The following SPAST variants were observed in gnomAD, a reference collection of about 807,000 sequenced individuals.
SPAST encodes the protein spastin, also known as spastic paraplegia 4 (autosomal dominant; spastin).
A neutral mutation model predicts 76.6 loss-of-function variants in SPAST; 30 were observed. That is an observed-to-expected ratio of 0.39 (90% CI 0.29 to 0.53). The LOEUF (loss-of-function observed/expected upper bound fraction) is 0.53, where lower values mean the gene tolerates loss of function less well. SPAST is among the 20% of genes least tolerant of loss of function. The probability of loss-of-function intolerance (pLI) is 0.68; values close to 1 mark genes in which losing one functional copy is unlikely to be tolerated. For missense variants in SPAST, 717 were observed against 770.5 expected (o/e 0.93, Z 0.82); for synonymous variants, 305 against 281.0 (o/e 1.09, Z -0.86).
At chr2:32,106,754 A>G (rs1168668249) in intron 4 of SPAST, among the ~76,000 whole-genome samples, 1 of 152,164 alleles carries the variant, frequency 6.6e-6, no homozygotes, top group Non-Finnish European at 1.5e-5. Flanking sequence ...CTTACAGTAT[A>G]GTCAGTGGCA....
intron 1 of SPAST, among the ~76,000 whole-genome samples, chr2:32,067,870 G>A (rs1553395458): frequency 6.7e-6 from 1 of 150,226 alleles, no homozygotes; most frequent in Non-Finnish European, 1.5e-5. Flanking sequence ...TTGTAAAGTG[G>A]TATGTTTAAG....
intron 9 of SPAST, chr2:32,128,720 A>T: frequency 2.0e-6 from 1 of 497,930 alleles, no homozygotes; most frequent in Non-Finnish European, 3.6e-6. Flanking sequence ...TGGCTTAAAC[A>T]TCAGCAATTT....
intron 4 of SPAST, 43 bp downstream of exon 4, chr2:32,098,934 C>A: frequency 7.7e-7 from 1 of 1,296,726 alleles, no homozygotes; most frequent in Non-Finnish European, 1.1e-6. Context: ...AGCTTGCATG[C>A]AAAGTAAGAG....
chr2:32,121,614 C>A (rs1367038062), intron 7 of SPAST, among the ~76,000 whole-genome samples: 1 of 142,016 alleles, frequency 7.0e-6, no homozygotes, highest in African/African-American at 2.6e-5. Context: ...GATCTCAGCT[C>A]ACTGCGCCCT....
chr2:32,064,922 G>A (rs914740310), intron 1 of SPAST, among the ~76,000 whole-genome samples: 16 of 152,152 alleles, frequency 1.1e-4, no homozygotes, highest in African/African-American at 3.4e-4. Flanking sequence ...AATGGATTGC[G>A]TAAACTTAAA....
In SPAST at chr2:32,087,587, G is replaced by C; in HGVS notation, c.502+9G>C. On this transcript the variant is annotated intron_variant, in intron 2 of 16. Transcript: ENST00000315285. ...TATAGTTACAGGACAAGGTAAGATTGTATTTGTTTATAGCCATCCCAAATT... is the reference window on the plus strand; with the variant it reads ...TATAGTTACAGGACAAGGTAAGATTCTATTTGTTTATAGCCATCCCAAATT... 1 of 1,497,772 alleles carries C rather than the reference G, an allele frequency of 6.7e-7. No individual in the cohort carries two copies. Among genetic ancestry groups the C allele is most frequent in the Non-Finnish European group, 9.2e-7 (1 of 1,081,502 alleles). The allele number at this position is 1,497,772 out of a possible 1,614,324, so 92.8% of individuals were successfully genotyped here.
chr2:32,097,645 G>C (rs913793184), intron 3 of SPAST, among the ~76,000 whole-genome samples: 9 of 150,116 alleles, frequency 6.0e-5, no homozygotes, highest in African/African-American at 2.2e-4. Context: ...TTCATTCTGT[G>C]CTACTTTAAA....
At chr2:32,067,373 T>A (rs956482656) in intron 1 of SPAST, among the ~76,000 whole-genome samples, 1 of 152,086 alleles carries the variant, frequency 6.6e-6, no homozygotes, top group East Asian at 1.9e-4. Flanking sequence ...CAAGGAAATT[T>A]TAGTTAACAC....
At chr2:32,126,897 C>T in intron 7 of SPAST, 51 bp from the exon 8 acceptor site, 1 of 1,307,426 alleles carries the variant, frequency 7.6e-7, no homozygotes, top group Non-Finnish European at 1.1e-6. Context: ...GCAAAGAGTA[C>T]TTAAAATGTC....
At chr2:32,109,329 G>A (rs905273727) in intron 4 of SPAST, among the ~76,000 whole-genome samples, 6 of 151,346 alleles carry the variant, frequency 4.0e-5, no homozygotes, top group Non-Finnish European at 8.8e-5. Context: ...GGCTGGTCTC[G>A]AACTCCTGAC....
intron 1 of SPAST, among the ~76,000 whole-genome samples, chr2:32,064,564 G>A (rs766491450): frequency 1.3e-5 from 2 of 152,206 alleles, no homozygotes; most frequent in Non-Finnish European, 2.9e-5. Flanking sequence ...TGACCACACT[G>A]ATCCTTTCTA....
chr2:32,095,138 G>A lies in SPAST; in HGVS notation c.587-3658G>A, dbSNP rs187201449. Among the ~76,000 whole-genome samples the A allele has an allele frequency of 1.3e-4, 20 of 152,328 alleles. No homozygotes were observed. The East Asian group carries it at 1.3e-3, about 10-fold the overall frequency. ...AGAAAAGTGATAGAGGCTTGCACCAGGGTAGTATCAGGAGAAATGGTAACA... is the reference window on the plus strand; with the variant it reads ...AGAAAAGTGATAGAGGCTTGCACCAAGGTAGTATCAGGAGAAATGGTAACA... On this transcript the variant is annotated intron_variant, in intron 3 of 16. Coordinates refer to ENST00000315285, the MANE Select transcript of SPAST (RefSeq NM_014946.4).
At chr2:32,145,074 C>A in intron 15 of SPAST, 67 bp downstream of exon 15, 10 of 1,192,040 alleles carry the variant, frequency 8.4e-6, no homozygotes, top group South Asian at 5.3e-5. Context: ...TTAAGAAGTC[C>A]AAAAAAATCT....
At chr2:32,091,138 T>C (rs1677697910) in intron 3 of SPAST, among the ~76,000 whole-genome samples, 1 of 151,812 alleles carries the variant, frequency 6.6e-6, no homozygotes, top group African/African-American at 2.4e-5. Flanking sequence ...TGGATGGAAA[T>C]AGTAGATATT....
Position 32,075,894 on chromosome 2 carries a change from C to CTTTT in SPAST, c.416-11597_416-11596insTTTT, listed in dbSNP as rs1286144548. Among the ~76,000 whole-genome samples, 283 of 87,166 alleles carry CTTTT rather than the reference C, an allele frequency of 3.2e-3. 33 individuals carry two copies. Among genetic ancestry groups the CTTTT allele is most frequent in the South Asian group, 5.5e-3 (12 of 2,200 alleles). 57.2% of individuals were successfully genotyped at this position (87,166 alleles called of 152,430 possible). ...TTTTTTTAATGAAAAATTCAAAATG[C>CTTTT]TCTTTTTTTTTTTTTTTTTTTTTTG... is the stretch of plus-strand genomic sequence containing the variant. On this transcript the variant is annotated intron_variant, in intron 1 of 16. Transcript: ENST00000315285.
chr2:32,151,390 A>C (rs1169122030), intron 16 of SPAST, among the ~76,000 whole-genome samples: 1 of 152,214 alleles, frequency 6.6e-6, no homozygotes, highest in South Asian at 2.1e-4. Flanking sequence ...AACACTATGT[A>C]AAGATCCATT....
chr2:32,153,257 A>G (rs1057190857), intron 16 of SPAST, among the ~76,000 whole-genome samples: 3 of 151,732 alleles, frequency 2.0e-5, no homozygotes, highest in Non-Finnish European at 2.9e-5. Flanking sequence ...GCCAAAATAC[A>G]GGTATACGCT....
At chr2:32,132,261 T>C (rs1005466705) in intron 9 of SPAST, among the ~76,000 whole-genome samples, 3 of 152,088 alleles carry the variant, frequency 2.0e-5, no homozygotes, top group Admixed American at 6.5e-5. Context: ...CGTGGTGGCG[T>C]GTGCCTGTGG....
At position 32,114,662 on chromosome 2, in the gene SPAST, A is replaced by T; in HGVS notation, c.707A>T (p.Lys236Ile). The T allele has an allele frequency of 6.2e-7, 1 of 1,614,154 alleles. No homozygotes were observed. The highest frequency in any genetic ancestry group is 8.5e-7 in the Non-Finnish European group (1 of 1,180,002). ...GAAAGTGGAGCTGTTCCAAAAAGAAAAGACCCCTTAACACACACTAGTAAT... is the reference window on the plus strand; with the variant it reads ...GAAAGTGGAGCTGTTCCAAAAAGAATAGACCCCTTAACACACACTAGTAAT... ...QSESGAVPKR[K>I]DPLTHTSNSL... Residue 236 changes from lysine (K) to isoleucine (I), a missense_variant, in exon 5 of 17, where the codon AAA (lysine) becomes ATA (isoleucine). This residue lies in a region of SPAST where 543 missense variants were observed against 445.2 expected (regional missense o/e 1.22). Transcript: ENST00000315285.
Sources: gnomAD v4.1 joint callset for allele counts (sites outside exome capture counted in the v4.1 genomes callset) on GRCh38, gnomAD v4.1.1 for gene constraint, gnomAD v4.1.1 regional missense constraint, MANE v1.5 for transcripts, NCBI Gene and HGNC (gene_info 2026-07-23, HGNC 2026-07-21) for gene names.